GRIA2: variants seen among roughly 807,000 people sequenced by gnomAD.
GRIA2 encodes glutamate ionotropic receptor AMPA type subunit 2, also known as glutamate receptor 2.
Under a neutral mutation model 97.3 loss-of-function variants are expected in GRIA2, and 14 were observed. The ratio of observed to expected loss-of-function variants is 0.14; its 90% CI spans 0.10 to 0.23. GRIA2 has a LOEUF of 0.23. Among genes scored for constraint, GRIA2 ranks in the 10% least tolerant of loss-of-function variants. GRIA2 has a pLI of 1.00. For synonymous variants in GRIA2, 412 were observed against 387.8 expected, an observed-to-expected ratio of 1.06 and a Z score of -0.73; for missense variants, 558 against 1,069.8, an observed-to-expected ratio of 0.52 and a Z score of 6.67.
chr4:157,316,971 G>A (rs563881551), intron 4 of GRIA2, among the ~76,000 whole-genome samples: 45 of 152,222 alleles, frequency 3.0e-4, no homozygotes, highest in East Asian at 1.2e-3. Context: ...GCATTACAAC[G>A]ATGACCACTT....
At chr4:157,278,792 TAA>T (rs34466779) in intron 2 of GRIA2, among the ~76,000 whole-genome samples, 3 of 150,994 alleles carry the variant, frequency 2.0e-5, no homozygotes, top group Non-Finnish European at 3.0e-5. Flanking sequence ...ATAACCTGAA[TAA>T]AAAAAAATAG....
chr4:157,293,341 A>G (rs966823326), intron 2 of GRIA2, among the ~76,000 whole-genome samples: 2 of 152,210 alleles, frequency 1.3e-5, no homozygotes, highest in Admixed American at 1.3e-4. Context: ...TGTTGCTGCT[A>G]TCTTCAAACT....
intron 2 of GRIA2, among the ~76,000 whole-genome samples, chr4:157,246,048 T>C (rs1730717959): frequency 2.6e-5 from 4 of 152,140 alleles, no homozygotes; most frequent in Admixed American, 2.6e-4. Context: ...AGTAATAATT[T>C]CTAGTTAATT....
chr4:157,319,369 T>G (rs1345513418), intron 5 of GRIA2, among the ~76,000 whole-genome samples: 1 of 152,202 alleles, frequency 6.6e-6, no homozygotes, highest in Non-Finnish European at 1.5e-5. Flanking sequence ...AGCTGATATC[T>G]GATGCTATTA....
intron 6 of GRIA2, among the ~76,000 whole-genome samples, chr4:157,330,292 T>A (rs763007528): frequency 8.6e-5 from 13 of 151,946 alleles, no homozygotes; most frequent in Non-Finnish European, 1.0e-4. Flanking sequence ...TAAACTATAG[T>A]CAACTAAATT....
intron 6 of GRIA2, among the ~76,000 whole-genome samples, chr4:157,325,416 C>T (rs1268984755): frequency 6.6e-6 from 1 of 152,004 alleles, no homozygotes; most frequent in African/African-American, 2.4e-5. Context: ...TTTATGAATT[C>T]ATTTATTTAC....
At chr4:157,271,976 A>G (rs1218632803) in intron 2 of GRIA2, among the ~76,000 whole-genome samples, 1 of 152,144 alleles carries the variant, frequency 6.6e-6, no homozygotes, top group Non-Finnish European at 1.5e-5. Context: ...GACTTTCGGA[A>G]AATGTATTTT....
chr4:157,284,171 G>A (rs987629064), intron 2 of GRIA2, among the ~76,000 whole-genome samples: 1 of 151,850 alleles, frequency 6.6e-6, no homozygotes, highest in African/African-American at 2.4e-5. Context: ...GCCCAAGTTT[G>A]AAATAAGTTG....
chr4:157,344,073 A>G (rs1281451270), intron 12 of GRIA2, among the ~76,000 whole-genome samples: 1 of 152,108 alleles, frequency 6.6e-6, no homozygotes, highest in African/African-American at 2.4e-5. Context: ...AAATTGAATA[A>G]CAGATTCCCT....
chr4:157,357,598 G>T (rs1156484358), intron 12 of GRIA2, among the ~76,000 whole-genome samples: 2 of 151,924 alleles, frequency 1.3e-5, no homozygotes, highest in Non-Finnish European at 2.9e-5. Context: ...CTCCTCATAA[G>T]AATATGTCAT....
In GRIA2 at chr4:157,362,775, C is replaced by T. The variant is rs552349379; in HGVS notation, c.2407-24C>T. On this transcript the variant is annotated intron_variant, in intron 14 of 15. Transcript: ENST00000264426. Reference sequence around the variant, plus strand: ...ATTCACCAGTTTGCCTTCCTAATAACCTCTTCTCATATACATTCTTTAGGA... The same window carrying T: ...ATTCACCAGTTTGCCTTCCTAATAATCTCTTCTCATATACATTCTTTAGGA... 2.5e-6 allele frequency: 4 copies of T among 1,595,532 alleles called. No individual in the cohort carries two copies. In the South Asian group the frequency reaches 3.4e-5, roughly 13 times the overall value.
intron 2 of GRIA2, among the ~76,000 whole-genome samples, chr4:157,259,200 C>T (rs1298766640): frequency 6.6e-6 from 1 of 151,964 alleles, no homozygotes; most frequent in Non-Finnish European, 1.5e-5. Flanking sequence ...TGCACTCCAG[C>T]CTGGGAAACA....
chr4:157,233,782 G>T (rs1730124963), intron 2 of GRIA2, among the ~76,000 whole-genome samples: 1 of 152,074 alleles, frequency 6.6e-6, no homozygotes. Flanking sequence ...ATAGCTTTAT[G>T]TATAATTTTT....
intron 12 of GRIA2, among the ~76,000 whole-genome samples, chr4:157,348,413 A>G (rs572377695): frequency 2.0e-5 from 3 of 151,834 alleles, no homozygotes; most frequent in African/African-American, 4.8e-5. Flanking sequence ...TAGTTTCTAA[A>G]TTTTTTGTAG....
chr4:157,321,171 A>C (rs1036701966), intron 5 of GRIA2, among the ~76,000 whole-genome samples: 2 of 152,136 alleles, frequency 1.3e-5, no homozygotes, highest in African/African-American at 4.8e-5. Flanking sequence ...AGTGGAGAAC[A>C]TTTATGTAGG....
intron 2 of GRIA2, among the ~76,000 whole-genome samples, chr4:157,284,837 G>T (rs1336744416): frequency 6.6e-6 from 1 of 151,602 alleles, no homozygotes; most frequent in Admixed American, 6.6e-5. Context: ...ATATACTCCA[G>T]TGCCTGGTGG....
At chr4:157,303,428 T>C in intron 2 of GRIA2, 124 bp from the exon 3 acceptor site, 1 of 741,482 alleles carries the variant, frequency 1.3e-6, no homozygotes, top group Middle Eastern at 3.5e-4. Flanking sequence ...GATCATTAAA[T>C]CTATATTTCT....
intron 2 of GRIA2, among the ~76,000 whole-genome samples, chr4:157,292,205 G>A (rs1733137150): frequency 6.6e-6 from 1 of 151,988 alleles, no homozygotes; most frequent in Admixed American, 6.6e-5. Context: ...CCAAAAAAGT[G>A]TAGTAATTAA....
At chr4:157,256,843 G>A (rs916050525) in intron 2 of GRIA2, among the ~76,000 whole-genome samples, 4 of 151,984 alleles carry the variant, frequency 2.6e-5, no homozygotes, top group African/African-American at 7.2e-5. Context: ...ACTCTAAGAT[G>A]TGTAGAAAGC....
Sources: allele counts gnomAD v4.1 joint callset (sites outside exome capture counted in the v4.1 genomes callset), GRCh38; gene constraint gnomAD v4.1.1; transcripts MANE v1.5; gene names NCBI Gene and HGNC (gene_info 2026-07-23, HGNC 2026-07-21).